The following HIVEP3 variants were observed in gnomAD, a reference collection of about 807,000 sequenced individuals.
The protein encoded by HIVEP3 is HIVEP zinc finger 3, also known as transcription factor HIVEP3.
Under a neutral mutation model 152.8 loss-of-function variants are expected in HIVEP3, and 49 were observed. The ratio of observed to expected loss-of-function variants is 0.32; its 90% CI spans 0.26 to 0.41. The LOEUF is 0.41. Among genes scored for constraint, HIVEP3 ranks in the 10% least tolerant of loss-of-function variants. The probability of loss-of-function intolerance (pLI) is 1.00; values close to 1 mark genes in which losing one functional copy is unlikely to be tolerated. For synonymous variants in HIVEP3, 1,269 were observed against 1,289.0 expected (o/e 0.98, Z 0.33); for missense variants, 2,790 against 3,103.3 (o/e 0.90, Z 2.40).
At chr1:41,850,020 C>T (rs1218840562) in intron 1 of HIVEP3, among the ~76,000 whole-genome samples, 1 of 152,220 alleles carries the variant, frequency 6.6e-6, no homozygotes, top group African/African-American at 2.4e-5. Context: ...ACATACTCTA[C>T]TCTAGTGGTT....
At chr1:41,968,061 C>T (rs1407297973) in intron 1 of HIVEP3, among the ~76,000 whole-genome samples, 1 of 151,994 alleles carries the variant, frequency 6.6e-6, no homozygotes, top group Non-Finnish European at 1.5e-5. Context: ...AATAAATAGC[C>T]TACCAACCAA....
intron 5 of HIVEP3, among the ~76,000 whole-genome samples, chr1:41,574,311 C>A (rs752350658): frequency 3.9e-5 from 6 of 152,146 alleles, no homozygotes; most frequent in Non-Finnish European, 8.8e-5. Context: ...GACCCGCGTC[C>A]CTCCCCACAC....
chr1:41,770,482 T>C lies in HIVEP3; in HGVS notation c.-800-69487A>G, dbSNP rs1270979105. ...ATTATGGAGAGGGGACAATAGTGAC[T>C]TCGCAATGAACCCGGCAGATACCAC... is the stretch of plus-strand genomic sequence containing the variant. On this transcript the variant is annotated intron_variant, in intron 1 of 8. Transcript: ENST00000372583. Among the ~76,000 whole-genome samples, 4 of 152,122 alleles carry C rather than the reference T, an allele frequency of 2.6e-5. No homozygotes were observed. In the East Asian group the frequency reaches 7.7e-4, roughly 29 times the overall value.
intron 5 of HIVEP3, among the ~76,000 whole-genome samples, chr1:41,560,064 C>T (rs1185077580): frequency 6.6e-6 from 1 of 152,138 alleles, no homozygotes; most frequent in Non-Finnish European, 1.5e-5. Context: ...GTAATGGGGG[C>T]AGGGGGTGGC....
At position 41,731,982 on chromosome 1, in the gene HIVEP3, G is replaced by A. The variant is rs577151237; in HGVS notation, c.-800-30987C>T. Reference sequence around the variant, plus strand: ...TGACCGAGTGTTTCTCTATGGAAGGGTCTGGCATGGAACCAGGCCCTCTGG... The same window carrying A: ...TGACCGAGTGTTTCTCTATGGAAGGATCTGGCATGGAACCAGGCCCTCTGG... On this transcript the variant is annotated intron_variant, in intron 1 of 8. Coordinates refer to ENST00000372583, the MANE Select transcript of HIVEP3 (RefSeq NM_024503.5). 2.6e-5 allele frequency among the ~76,000 whole-genome samples: 4 copies of A among 152,264 alleles called. No individual in the cohort carries two copies. The East Asian group carries it at 7.7e-4, about 29-fold the overall frequency.
Position 41,513,748 on chromosome 1 carries a change from T to C in HIVEP3, c.5473A>G (p.Thr1825Ala). ...VLEELEAEEGTSDDLFQDSEG... is the reference protein window; with the variant it reads ...VLEELEAEEGASDDLFQDSEG... ...GAGTCCTGGAACAGGTCGTCACTGGTTCCTGAGGGCAAACACAGAAGACCC... is the reference window on the plus strand; with the variant it reads ...GAGTCCTGGAACAGGTCGTCACTGGCTCCTGAGGGCAAACACAGAAGACCC... The change falls in exon 8 of 9, where the codon ACC becomes GCC. Residue 1825 changes from threonine to alanine, a missense_variant and splice_region_variant. Transcript: ENST00000372583. The C allele has an allele frequency of 6.4e-7, 1 of 1,554,350 alleles. No homozygotes were observed. The highest frequency in any genetic ancestry group is 8.7e-7 in the Non-Finnish European group (1 of 1,150,760).
intron 1 of HIVEP3, among the ~76,000 whole-genome samples, chr1:41,768,147 C>A (rs1211778134): frequency 6.6e-6 from 1 of 152,188 alleles, no homozygotes; most frequent in Non-Finnish European, 1.5e-5. Context: ...ATAGACATAA[C>A]TGAGACTCGG....
chr1:41,531,974 A>G (rs1643271225), intron 5 of HIVEP3, among the ~76,000 whole-genome samples: 1 of 105,622 alleles, frequency 9.5e-6, no homozygotes, highest in Non-Finnish European at 1.9e-5. Flanking sequence ...CAGGGGCGAT[A>G]GAGGACAGGA....
At chr1:41,771,813 T>C (rs1265950574) in intron 1 of HIVEP3, among the ~76,000 whole-genome samples, 1 of 152,120 alleles carries the variant, frequency 6.6e-6, no homozygotes, top group Non-Finnish European at 1.5e-5. Context: ...TACAAGCACA[T>C]GCCACCATGC....
Position 41,581,387 on chromosome 1 carries a change from T to C in HIVEP3, c.3411A>G (p.Pro1137=), listed in dbSNP as rs142985441. 3.2e-4 allele frequency: 513 copies of C among 1,610,578 alleles called. 4 individuals carry two copies. In the East Asian group the frequency reaches 7.5e-3, roughly 23 times the overall value. Residue 1137 remains proline (P), a synonymous_variant, in exon 4 of 9, where the codon CCA becomes CCG. Coordinates refer to ENST00000372583, the MANE Select transcript of HIVEP3 (RefSeq NM_024503.5). This position sits in a 1 kb window ranked among gnomAD's most constrained non-coding sequence, Gnocchi z 4.5. ...AAAGGGAGACTGGTGGGGGCAGGTA[T>C]GGCTTCTCATGCAGGGGTGTCTGGG... ...PVAQTPLHEK[P]YLPPPVSLFS...
intron 1 of HIVEP3, among the ~76,000 whole-genome samples, chr1:41,950,173 C>A (rs1248359507): frequency 6.6e-6 from 1 of 152,172 alleles, no homozygotes; most frequent in Non-Finnish European, 1.5e-5. Context: ...AGCTAGTCAT[C>A]TATCGTCTGA....
intron 1 of HIVEP3, among the ~76,000 whole-genome samples, chr1:41,742,495 T>G (rs1647012035): frequency 6.6e-6 from 1 of 152,242 alleles, no homozygotes. Context: ...GACATTGCCT[T>G]TCTCTGTTCC....
chr1:41,526,930 TGC>T (rs1642966029), intron 5 of HIVEP3, among the ~76,000 whole-genome samples: 1 of 113,004 alleles, frequency 8.8e-6, no homozygotes, highest in African/African-American at 3.4e-5. Context: ...CACCCTCACA[TGC>T]TCACCCTCAC....
chr1:41,716,098 G>C (rs1329874831), intron 1 of HIVEP3, among the ~76,000 whole-genome samples: 3 of 152,248 alleles, frequency 2.0e-5, no homozygotes, highest in African/African-American at 7.2e-5. Flanking sequence ...AGGCCGGGCA[G>C]GGTGCAGGGA....
chr1:41,787,551 T>A (rs994821637), intron 1 of HIVEP3, among the ~76,000 whole-genome samples: 1 of 134,042 alleles, frequency 7.5e-6, no homozygotes, highest in Non-Finnish European at 1.5e-5. Context: ...TTTTTTTTTT[T>A]TTAATGGGAT....
rs1316613508 is a variant in HIVEP3, at chr1:41,579,506, T to C, written c.5061+231A>G. 2.0e-5 allele frequency among the ~76,000 whole-genome samples: 3 copies of C among 152,356 alleles called. No homozygotes were observed. In the East Asian group the frequency reaches 5.8e-4, roughly 29 times the overall value. ...TTCATGGCAGAGCAGGATCACTTTA[T>C]GGCTAACTTTATTGAAGTGTATCTA... is the stretch of plus-strand genomic sequence containing the variant. On this transcript the variant is annotated intron_variant, in intron 4 of 8. Transcript: ENST00000372583.
intron 1 of HIVEP3, among the ~76,000 whole-genome samples, chr1:41,807,381 A>T (rs183183061): frequency 6.6e-6 from 1 of 152,160 alleles, no homozygotes; most frequent in Non-Finnish European, 1.5e-5. Context: ...GTGGAAGGGA[A>T]ATCAGAAACC....
At chr1:41,831,834 T>C (rs1321328613) in intron 1 of HIVEP3, among the ~76,000 whole-genome samples, 1 of 152,088 alleles carries the variant, frequency 6.6e-6, no homozygotes, top group Admixed American at 6.6e-5. Flanking sequence ...TTAACATCTG[T>C]CTCATTTAAT....
chr1:41,766,210 G>A (rs923436349), intron 1 of HIVEP3, among the ~76,000 whole-genome samples: 1 of 152,204 alleles, frequency 6.6e-6, no homozygotes, highest in Non-Finnish European at 1.5e-5. Context: ...TTTCAACTGG[G>A]GGTGTCTTGC....
Sources: gnomAD v4.1 joint callset for allele counts (sites outside exome capture counted in the v4.1 genomes callset) on GRCh38, gnomAD v4.1.1 for gene constraint, Gnocchi (gnomAD v3.1) non-coding constraint, MANE v1.5 for transcripts, NCBI Gene and HGNC (gene_info 2026-07-23, HGNC 2026-07-21) for gene names.